RSPH14: variants seen among roughly 807,000 people sequenced by gnomAD.
RSPH14 encodes the protein radial spoke head 14 homolog, also known as rhabdoid tumor deletion region gene 1.
In RSPH14, 20 loss-of-function variants were observed where a neutral mutation model predicts 26.7. The observed-to-expected ratio is 0.75, with a 90% CI of 0.53 to 1.09. The LOEUF is 1.09. RSPH14 is among the 50% of genes least tolerant of loss of function. The pLI is 0.00. For synonymous variants in RSPH14, 177 were observed against 189.3 expected, an observed-to-expected ratio of 0.93 and a Z score of 0.53; for missense variants, 449 against 457.2, an observed-to-expected ratio of 0.98 and a Z score of 0.16.
chr22:23,171,314 T>C, the RSPH14 span, among the ~76,000 whole-genome samples: 1 of 152,074 alleles, frequency 6.6e-6, no homozygotes, highest in Non-Finnish European at 1.5e-5. Context: ...AACCTGATGG[T>C]CATCATGTTG....
intron 4 of RSPH14, among the ~76,000 whole-genome samples, chr22:23,069,032 A>T (rs375285952): frequency 2.8e-4 from 42 of 152,312 alleles, no homozygotes; most frequent in African/African-American, 1.0e-3. Context: ...TTGAGGCAGC[A>T]CCCTCACAGG....
intron 4 of RSPH14, among the ~76,000 whole-genome samples, chr22:23,099,045 G>A (rs549126404): frequency 4.6e-4 from 70 of 152,390 alleles, no homozygotes; most frequent in East Asian, 2.1e-3. Context: ...CTCTGGACAC[G>A]GCTCCTCCAT....
At chr22:23,100,589 C>T (rs2069271147) in intron 4 of RSPH14, among the ~76,000 whole-genome samples, 1 of 152,204 alleles carries the variant, frequency 6.6e-6, no homozygotes, top group Non-Finnish European at 1.5e-5. Context: ...CCATTGGCTT[C>T]CTGAGGAACC....
intron 5 of RSPH14, among the ~76,000 whole-genome samples, chr22:23,063,641 C>G (rs1284470007): frequency 6.6e-6 from 1 of 152,184 alleles, no homozygotes; most frequent in East Asian, 1.9e-4. Flanking sequence ...CTGTGCTGGC[C>G]TTCCTCATGG....
the RSPH14 span, chr22:23,158,969 A>G: frequency 1.9e-6 from 3 of 1,614,064 alleles, no homozygotes; most frequent in African/African-American, 4.0e-5. Flanking sequence ...GGAACCAAGA[A>G]GGACCTTCTG....
chr22:23,123,934 T>C lies in RSPH14; in HGVS notation c.421+10092A>G, dbSNP rs41296231. On this transcript the variant is annotated intron_variant, in intron 4 of 6. Coordinates refer to ENST00000216036, the MANE Select transcript of RSPH14 (RefSeq NM_014433.3). The stretch of plus-strand genomic sequence containing the variant: ...AGGACCAGTGCAGGGTCTGTGCACC[T>C]TCCCTGCTGGCCTGCACACAGCTGC... 1.7e-3 allele frequency: 357 copies of C among 210,910 alleles called. 1 individual carries two copies. The highest frequency in any genetic ancestry group is 2.6e-3 in the Non-Finnish European group (264 of 102,984). The allele number at this position is 210,910 out of a possible 1,614,324, so 13.1% of individuals were successfully genotyped here. A position where few individuals can be genotyped will look rare whatever the true frequency, so the allele number is the denominator to read the frequency against.
At chr22:23,073,428 C>T (rs906344428) in intron 4 of RSPH14, among the ~76,000 whole-genome samples, 8 of 152,162 alleles carry the variant, frequency 5.3e-5, no homozygotes, top group African/African-American at 1.7e-4. Context: ...GTTGTGGCTC[C>T]GGGGTGGTGA....
intron 4 of RSPH14, among the ~76,000 whole-genome samples, chr22:23,065,563 G>T (rs1314577714): frequency 6.9e-5 from 2 of 28,888 alleles, no homozygotes; most frequent in Non-Finnish European, 1.5e-4. Flanking sequence ...AAAAAAAAAA[G>T]CCTAGGTCTC....
chr22:23,101,885 G>A (rs1180603432), intron 4 of RSPH14, among the ~76,000 whole-genome samples: 1 of 152,230 alleles, frequency 6.6e-6, no homozygotes, highest in Non-Finnish European at 1.5e-5. Context: ...ACCTCGCATG[G>A]CAGGCATGGA....
chr22:23,147,477 T>C (rs1220921660), upstream of RSPH14, among the ~76,000 whole-genome samples: 1 of 152,066 alleles, frequency 6.6e-6, no homozygotes, highest in Non-Finnish European at 1.5e-5. Context: ...ACCACAGGCA[T>C]GTGCTACCAT....
chr22:23,086,178 T>G (rs1418253944), intron 4 of RSPH14, among the ~76,000 whole-genome samples: 1 of 152,216 alleles, frequency 6.6e-6, no homozygotes, highest in Non-Finnish European at 1.5e-5. Flanking sequence ...AGAAAAATGC[T>G]GAGTAAAAAC....
the RSPH14 span, chr22:23,156,301 C>G: frequency 5.3e-6 from 2 of 377,718 alleles, no homozygotes; most frequent in South Asian, 2.6e-5. Context: ...TAAAGATGCT[C>G]AGAGATGAAA....
At chr22:23,178,276 C>A in the RSPH14 span, among the ~76,000 whole-genome samples, 1 of 152,096 alleles carries the variant, frequency 6.6e-6, no homozygotes, top group Non-Finnish European at 1.5e-5. Flanking sequence ...ACTAGCTGGG[C>A]GTGATGGCAG....
the RSPH14 span, among the ~76,000 whole-genome samples, chr22:23,171,638 T>C: frequency 2.0e-4 from 30 of 151,180 alleles, no homozygotes; most frequent in African/African-American, 7.0e-4. Flanking sequence ...AGGTCAGGAG[T>C]TTGAGACCAG....
At chr22:23,139,044 A>G (rs1284256110) in intron 2 of RSPH14, 102 bp from the exon 3 acceptor site, 1 of 852,246 alleles carries the variant, frequency 1.2e-6, no homozygotes, top group Non-Finnish European at 1.8e-6. Context: ...TGGGGCAGGA[A>G]TGTACCAGAG....
intron 4 of RSPH14, among the ~76,000 whole-genome samples, chr22:23,094,357 T>C (rs963967055): frequency 2.0e-5 from 3 of 151,928 alleles, no homozygotes; most frequent in Non-Finnish European, 2.9e-5. Context: ...AGGGGCATCC[T>C]AGGGTGTGCC....
intron 4 of RSPH14, among the ~76,000 whole-genome samples, chr22:23,064,624 C>G (rs1251457971): frequency 6.6e-6 from 1 of 152,196 alleles, no homozygotes; most frequent in African/African-American, 2.4e-5. Flanking sequence ...TGGAGAAGAG[C>G]TTGGTTTTGA....
At chr22:23,095,619 GGTCTCAGT>G in intron 4 of RSPH14, 10 of 1,492,708 alleles carry the variant, frequency 6.7e-6, no homozygotes, top group Non-Finnish European at 9.0e-6. Flanking sequence ...TTGTCTGCCT[GGTCTCAGT>G]GTCCCCTGTG....
intron 4 of RSPH14, among the ~76,000 whole-genome samples, chr22:23,081,122 C>G (rs1306214835): frequency 6.6e-6 from 1 of 152,170 alleles, no homozygotes; most frequent in African/African-American, 2.4e-5. Context: ...GGAAAAGCCT[C>G]AGTAAAAGCC....
Sources: allele counts gnomAD v4.1 joint callset (sites outside exome capture counted in the v4.1 genomes callset), GRCh38; gene constraint gnomAD v4.1.1; transcripts MANE v1.5; gene names NCBI Gene and HGNC (gene_info 2026-07-23, HGNC 2026-07-21).